The following FAF1 variants were observed in gnomAD, a reference collection of about 807,000 sequenced individuals.
FAF1 encodes Fas associated factor 1.
A neutral mutation model predicts 92.5 loss-of-function variants in FAF1; 25 were observed. That is an observed-to-expected ratio of 0.27 (90% CI 0.20 to 0.38). The LOEUF is 0.38. FAF1 is among the 10% of genes least tolerant of loss of function. FAF1 has a pLI of 1.00. For missense variants in FAF1, 636 were observed against 793.3 expected (o/e 0.80, Z 2.38); for synonymous variants, 234 against 273.2 (o/e 0.86, Z 1.42).
chr1:50,669,075 C>A (rs1249282568), intron 7 of FAF1, among the ~76,000 whole-genome samples: 9 of 152,072 alleles, frequency 5.9e-5, no homozygotes, highest in Admixed American at 5.9e-4. Flanking sequence ...ATTATTCTAC[C>A]TCCCTTGTTT....
chr1:50,874,406 G>A (rs1383188257), intron 1 of FAF1, among the ~76,000 whole-genome samples: 1 of 152,014 alleles, frequency 6.6e-6, no homozygotes, highest in Non-Finnish European at 1.5e-5. Flanking sequence ...CTGTCACCTA[G>A]CCTAGAGTAT....
chr1:50,702,493 T>TAAAC (rs1301800040), intron 7 of FAF1, among the ~76,000 whole-genome samples: 1 of 152,220 alleles, frequency 6.6e-6, no homozygotes, highest in African/African-American at 2.4e-5. Flanking sequence ...TTTTACAAGC[T>TAAAC]GTTTGGTCAT....
chr1:50,636,623 T>C (rs978637437), intron 8 of FAF1, among the ~76,000 whole-genome samples: 3 of 152,170 alleles, frequency 2.0e-5, no homozygotes, highest in Admixed American at 6.6e-5. Context: ...CCCAAAGTGC[T>C]GGGATTACAG....
At chr1:50,948,534 C>CTTTTTTTTTTT (rs1167611825) in intron 1 of FAF1, among the ~76,000 whole-genome samples, 1 of 139,058 alleles carries the variant, frequency 7.2e-6, no homozygotes, top group African/African-American at 2.7e-5. Context: ...TTTTCTTTTT[C>CTTTTTTTTTTT]TTTTTTTTTT....
intron 8 of FAF1, among the ~76,000 whole-genome samples, chr1:50,617,691 C>CTAT (rs1652988686): frequency 8.1e-6 from 1 of 122,988 alleles, no homozygotes; most frequent in African/African-American, 3.4e-5. Context: ...CCCTCCTCTT[C>CTAT]TGTTTTTTTT....
intron 4 of FAF1, among the ~76,000 whole-genome samples, chr1:50,757,889 T>C (rs966812116): frequency 2.0e-5 from 3 of 152,194 alleles, no homozygotes; most frequent in Admixed American, 6.5e-5. Context: ...ATTATGTGTA[T>C]TCACGGTTTC....
chr1:50,503,825 A>G (rs1473430812), intron 15 of FAF1, among the ~76,000 whole-genome samples: 2 of 152,188 alleles, frequency 1.3e-5, no homozygotes, highest in Non-Finnish European at 2.9e-5. Context: ...AAAATTCTAG[A>G]AAACGCAAAC....
chr1:50,817,963 A>G (rs1055165007), intron 2 of FAF1, among the ~76,000 whole-genome samples: 1 of 152,208 alleles, frequency 6.6e-6, no homozygotes, highest in African/African-American at 2.4e-5. Flanking sequence ...ATGATTCCAC[A>G]TATATGAAAA....
intron 4 of FAF1, among the ~76,000 whole-genome samples, chr1:50,774,111 C>CA (rs1253731255): frequency 6.6e-6 from 1 of 152,164 alleles, no homozygotes; most frequent in African/African-American, 2.4e-5. Context: ...GGCACGGAGG[C>CA]AACAGACATC....
intron 1 of FAF1, among the ~76,000 whole-genome samples, chr1:50,932,321 A>G (rs1254677624): frequency 6.6e-6 from 1 of 152,228 alleles, no homozygotes; most frequent in Non-Finnish European, 1.5e-5. Context: ...AATCAAAAGC[A>G]AGCTAGTTAT....
intron 18 of FAF1, among the ~76,000 whole-genome samples, chr1:50,447,350 C>T (rs887484057): frequency 2.6e-5 from 4 of 152,094 alleles, no homozygotes; most frequent in African/African-American, 9.7e-5. Context: ...TGGTCTCGAT[C>T]TCCTGACCTA....
chr1:50,522,643 C>T (rs967029032), intron 15 of FAF1, among the ~76,000 whole-genome samples: 2 of 152,178 alleles, frequency 1.3e-5, no homozygotes, highest in African/African-American at 2.4e-5. Flanking sequence ...CCAGTAGTAC[C>T]CCGTAAGTAC....
At position 50,666,312 on chromosome 1, in the gene FAF1, A is replaced by T. The variant is rs113900532; in HGVS notation, c.658-10784T>A. 1.9e-3 allele frequency among the ~76,000 whole-genome samples: 291 copies of T among 152,152 alleles called. 2 individuals are homozygous for T. The highest frequency in any genetic ancestry group is 6.6e-3 in the African/African-American group (275 of 41,520). On this transcript the variant is annotated intron_variant, in intron 7 of 18. Coordinates refer to ENST00000396153, the MANE Select transcript of FAF1 (RefSeq NM_007051.3). The stretch of plus-strand genomic sequence containing the variant: ...ACTGCAGCCTGGATCTCCTGGGCTG[A>T]TAAGATCCTCCCAACTCAGCCTTCT...
intron 2 of FAF1, among the ~76,000 whole-genome samples, chr1:50,846,111 G>A (rs1426270841): frequency 1.3e-5 from 2 of 151,556 alleles, no homozygotes; most frequent in South Asian, 2.1e-4. Context: ...TGGGCAACAA[G>A]AACAAAAGTG....
chr1:50,650,749 A>G (rs541222440), intron 8 of FAF1, among the ~76,000 whole-genome samples: 2 of 152,378 alleles, frequency 1.3e-5, no homozygotes, highest in South Asian at 4.1e-4. Flanking sequence ...GTATCTAAAC[A>G]TAATTCACAG....
intron 1 of FAF1, among the ~76,000 whole-genome samples, chr1:50,941,541 T>C (rs1259490250): frequency 6.6e-6 from 1 of 152,092 alleles, no homozygotes; most frequent in Non-Finnish European, 1.5e-5. Flanking sequence ...AAGTTTTTTG[T>C]AGAGACAAGA....
intron 2 of FAF1, among the ~76,000 whole-genome samples, chr1:50,817,516 G>T (rs1304488209): frequency 2.6e-5 from 4 of 152,184 alleles, no homozygotes; most frequent in Non-Finnish European, 4.4e-5. Context: ...TGTTTAATGG[G>T]TACAGGGTTT....
intron 7 of FAF1, among the ~76,000 whole-genome samples, chr1:50,658,516 C>T (rs1259530203): frequency 2.0e-5 from 3 of 152,138 alleles, no homozygotes; most frequent in Non-Finnish European, 4.4e-5. Context: ...AATTGAATAA[C>T]ATTCCTTTGC....
chr1:50,638,509 A>G (rs1654170764), intron 8 of FAF1, among the ~76,000 whole-genome samples: 1 of 149,234 alleles, frequency 6.7e-6, no homozygotes. Context: ...CAGTGGCGCA[A>G]TCTCCGCTCA....
Sources: allele counts gnomAD v4.1 joint callset (sites outside exome capture counted in the v4.1 genomes callset), GRCh38; gene constraint gnomAD v4.1.1; transcripts MANE v1.5; gene names NCBI Gene and HGNC (gene_info 2026-07-23, HGNC 2026-07-21).